Variants in CNKSR3 observed in about 807,000 individuals in gnomAD.
CNKSR3 encodes the protein connector enhancer of kinase suppressor of ras 3.
Under a neutral mutation model 67.7 loss-of-function variants are expected in CNKSR3, and 36 were observed. The observed-to-expected ratio is 0.53, with a 90% confidence interval of 0.41 to 0.70. The LOEUF (loss-of-function observed/expected upper bound fraction) is 0.70. Ranked by LOEUF, CNKSR3 falls within the 30% of genes least tolerant of loss-of-function variation. The probability of loss-of-function intolerance (pLI) is 0.00; values close to 1 mark genes in which losing one functional copy is unlikely to be tolerated. For missense variants in CNKSR3, 630 were observed against 695.2 expected, an observed-to-expected ratio of 0.91 and a Z score of 1.05; for synonymous variants, 281 against 271.4, an observed-to-expected ratio of 1.04 and a Z score of -0.35.
chr6:154,447,225 T>C (rs1051629471), intron 2 of CNKSR3, among the ~76,000 whole-genome samples: 5 of 152,158 alleles, frequency 3.3e-5, no homozygotes, highest in African/African-American at 1.2e-4. Context: ...AAAATGTTCT[T>C]TATCTGTGCT....
chr6:154,419,181 G>T (rs1033176237), intron 9 of CNKSR3, among the ~76,000 whole-genome samples: 1 of 151,882 alleles, frequency 6.6e-6, no homozygotes, highest in Non-Finnish European at 1.5e-5. Flanking sequence ...CAACAGGTAC[G>T]TGCCACCACA....
intron 1 of CNKSR3, among the ~76,000 whole-genome samples, chr6:154,463,013 A>T (rs573225225): frequency 1.1e-4 from 16 of 152,340 alleles, no homozygotes; most frequent in African/African-American, 3.8e-4. Context: ...TTGGAGATGC[A>T]TAAATCAATA....
intron 2 of CNKSR3, 110 bp downstream of exon 2, chr6:154,449,985 A>G (rs1482322471): frequency 1.9e-6 from 2 of 1,039,418 alleles, no homozygotes; most frequent in Non-Finnish European, 2.8e-6. Context: ...TTTTATTTTG[A>G]TGGAGCATTA....
At chr6:154,476,777 G>T (rs76069190) in intron 1 of CNKSR3, among the ~76,000 whole-genome samples, 13,781 of 152,126 alleles carry the variant, frequency 0.091, 1,255 homozygotes, top group African/African-American at 0.24. Flanking sequence ...CATTAACTCA[G>T]GTTGAATGTA....
At chr6:154,477,303 T>A (rs1344232522) in intron 1 of CNKSR3, among the ~76,000 whole-genome samples, 3 of 151,992 alleles carry the variant, frequency 2.0e-5, no homozygotes, top group African/African-American at 7.2e-5. Context: ...TGAGCTTCTT[T>A]GTAATTTTTA....
chr6:154,437,108 T>C (rs1284554922), intron 4 of CNKSR3, among the ~76,000 whole-genome samples: 1 of 152,008 alleles, frequency 6.6e-6, no homozygotes, highest in African/African-American at 2.4e-5. Flanking sequence ...ACACCAAGAA[T>C]AAAGGCTCAG....
intron 9 of CNKSR3, among the ~76,000 whole-genome samples, chr6:154,418,091 G>A (rs1168214027): frequency 6.6e-6 from 1 of 152,174 alleles, no homozygotes; most frequent in Non-Finnish European, 1.5e-5. Flanking sequence ...CCCCGCTGCT[G>A]GGAATGTCAG....
intron 1 of CNKSR3, among the ~76,000 whole-genome samples, chr6:154,467,367 G>A (rs1430093734): frequency 6.6e-6 from 1 of 152,112 alleles, no homozygotes; most frequent in Non-Finnish European, 1.5e-5. Flanking sequence ...TATTTAGCCA[G>A]GACATACATC....
At position 154,402,186 on chromosome 6, in the gene CNKSR3, T is replaced by G. The variant is rs998930857; in HGVS notation, c.*4168A>C. ...GGCAGTTCTGGAAATGTGAGCATGT[T>G]AGGGGTGCCACTGATGGGCGGCCAC... On this transcript the variant is annotated 3_prime_UTR_variant, in exon 13 of 13. Coordinates refer to ENST00000607772, the MANE Select transcript of CNKSR3 (RefSeq NM_173515.4). The G allele has an allele frequency of 4.6e-5, 7 of 152,332 alleles. No homozygotes were observed. The highest frequency in any genetic ancestry group is 3.4e-3 in the Middle Eastern group (1 of 294). The allele number at this position is 152,332 out of a possible 1,614,324, so 9.4% of individuals were successfully genotyped here.
At chr6:154,414,971 G>A (rs1040378497) in intron 9 of CNKSR3, among the ~76,000 whole-genome samples, 5 of 151,496 alleles carry the variant, frequency 3.3e-5, no homozygotes, top group African/African-American at 4.8e-5. Context: ...GGTGGCACAC[G>A]CCTGTAGTCC....
At chr6:154,449,093 G>C (rs1283420588) in intron 2 of CNKSR3, among the ~76,000 whole-genome samples, 2 of 152,154 alleles carry the variant, frequency 1.3e-5, no homozygotes, top group Non-Finnish European at 2.9e-5. Flanking sequence ...CTACCCATGT[G>C]ATTCTAGTGT....
At chr6:154,454,695 A>AT (rs1182412077) in intron 1 of CNKSR3, among the ~76,000 whole-genome samples, 1 of 151,548 alleles carries the variant, frequency 6.6e-6, no homozygotes, top group Non-Finnish European at 1.5e-5. Flanking sequence ...CTAATTTTTC[A>AT]TTTTTTTGTA....
At chr6:154,473,598 G>C (rs748911222) in intron 1 of CNKSR3, among the ~76,000 whole-genome samples, 26 of 152,158 alleles carry the variant, frequency 1.7e-4, no homozygotes, top group Non-Finnish European at 3.7e-4. Context: ...CATTTAGGGA[G>C]TGTCTACTCT....
intron 1 of CNKSR3, among the ~76,000 whole-genome samples, chr6:154,461,086 C>T (rs1786070323): frequency 1.3e-5 from 2 of 152,188 alleles, no homozygotes; most frequent in South Asian, 2.1e-4. Flanking sequence ...GAATAGGGGG[C>T]GGCTTGATTT....
At chr6:154,467,468 C>A (rs1786227999) in intron 1 of CNKSR3, among the ~76,000 whole-genome samples, 1 of 152,102 alleles carries the variant, frequency 6.6e-6, no homozygotes, top group Non-Finnish European at 1.5e-5. Flanking sequence ...AACAGGTGGT[C>A]CTGAAGAGCA....
chr6:154,475,572 T>C (rs62432716), intron 1 of CNKSR3, among the ~76,000 whole-genome samples: 4,174 of 152,274 alleles, frequency 0.027, 73 homozygotes, highest in Middle Eastern at 0.054. Flanking sequence ...GATTCTGCTA[T>C]TGGGCATTTC....
chr6:154,422,228 G>A (rs1033554184), intron 9 of CNKSR3, among the ~76,000 whole-genome samples: 3 of 152,038 alleles, frequency 2.0e-5, no homozygotes, highest in South Asian at 2.1e-4. Context: ...TCCTGACCTC[G>A]TGATCCGCCC....
intron 1 of CNKSR3, among the ~76,000 whole-genome samples, chr6:154,487,302 T>G (rs1179800232): frequency 1.3e-5 from 2 of 152,210 alleles, no homozygotes; most frequent in Admixed American, 6.5e-5. Context: ...CACCTAGGCT[T>G]TATTAAGCAC....
chr6:154,416,319 G>A (rs1785023600), intron 9 of CNKSR3, among the ~76,000 whole-genome samples: 2 of 152,114 alleles, frequency 1.3e-5, no homozygotes, highest in Non-Finnish European at 2.9e-5. Context: ...AGTCACAGGG[G>A]CAGGGACTGA....
Sources: allele counts gnomAD v4.1 joint callset (sites outside exome capture counted in the v4.1 genomes callset), GRCh38; gene constraint gnomAD v4.1.1; transcripts MANE v1.5; gene names NCBI Gene and HGNC (gene_info 2026-07-23, HGNC 2026-07-21).